ENTHD1: variants seen among roughly 807,000 people sequenced by gnomAD.
ENTHD1 encodes ENTH domain-containing protein 1.
A neutral mutation model predicts 39.1 loss-of-function variants in ENTHD1; 23 were observed. The ratio of observed to expected loss-of-function variants is 0.59; its 90% CI spans 0.42 to 0.83. The LOEUF is 0.83. Ranked by LOEUF, ENTHD1 falls within the 40% of genes least tolerant of loss-of-function variation. ENTHD1 has a pLI of 0.00. For missense variants in ENTHD1, 624 were observed against 705.4 expected (o/e 0.88, Z 1.31); for synonymous variants, 230 against 258.2 (o/e 0.89, Z 1.05).
rs370342913 is a variant in ENTHD1 at position 39,780,998 on chromosome 22, C to CAA, written c.833-15391_833-15390dup. ...TGGGCAACAGAGCGAGACTCCATCT[C>CAA]AAAAAAAAAAAAGCAAACAGTAGAT... On this transcript the variant is annotated intron_variant, in intron 5 of 6. Transcript: ENST00000325157. Among the ~76,000 whole-genome samples, 31 of 124,914 alleles carry CAA rather than the reference C, an allele frequency of 2.5e-4. No individual in the cohort carries two copies. The South Asian group carries it at 5.6e-3, about 23-fold the overall frequency. 81.9% of individuals were successfully genotyped at this position (124,914 alleles called of 152,430 possible).
intron 5 of ENTHD1, among the ~76,000 whole-genome samples, chr22:39,795,825 T>A (rs1288254450): frequency 1.3e-5 from 2 of 152,172 alleles, no homozygotes; most frequent in Non-Finnish European, 2.9e-5. Flanking sequence ...CAGGAATTTA[T>A]CCATTTCCTC....
At chr22:39,866,569 A>C (rs2066183185) in intron 2 of ENTHD1, among the ~76,000 whole-genome samples, 2 of 152,198 alleles carry the variant, frequency 1.3e-5, no homozygotes, top group African/African-American at 4.8e-5. Flanking sequence ...CTCTGCACAG[A>C]CATTAGGGCA....
chr22:39,861,509 C>T (rs2066139596), intron 3 of ENTHD1, among the ~76,000 whole-genome samples: 1 of 152,066 alleles, frequency 6.6e-6, no homozygotes, highest in Admixed American at 6.6e-5. Flanking sequence ...CACTACACTC[C>T]AGCCTAGGAG....
At chr22:39,754,497 C>T (rs1310230227) in intron 6 of ENTHD1, among the ~76,000 whole-genome samples, 2 of 152,184 alleles carry the variant, frequency 1.3e-5, no homozygotes, top group Non-Finnish European at 2.9e-5. Context: ...TGGCAGGTGA[C>T]CTCTGATGAG....
intron 5 of ENTHD1, among the ~76,000 whole-genome samples, chr22:39,818,703 G>A (rs1480437599): frequency 6.6e-6 from 1 of 152,196 alleles, no homozygotes; most frequent in East Asian, 1.9e-4. Flanking sequence ...TGAGACTACT[G>A]TAAAGGAAAG....
intron 6 of ENTHD1, among the ~76,000 whole-genome samples, chr22:39,744,943 C>T (rs2065091942): frequency 6.6e-6 from 1 of 152,036 alleles, no homozygotes; most frequent in Non-Finnish European, 1.5e-5. Context: ...GTTTTTACTT[C>T]CTTTCTGGCA....
chr22:39,786,931 T>C (rs2065463960), intron 5 of ENTHD1, among the ~76,000 whole-genome samples: 1 of 152,194 alleles, frequency 6.6e-6, no homozygotes, highest in East Asian at 1.9e-4. Flanking sequence ...CACGCATACC[T>C]CATTTTATTG....
chr22:39,809,893 T>C (rs1029287114), intron 5 of ENTHD1, among the ~76,000 whole-genome samples: 1 of 152,210 alleles, frequency 6.6e-6, no homozygotes, highest in African/African-American at 2.4e-5. Context: ...GTGGTATCCA[T>C]TTTCTGTTTT....
Position 39,762,622 on chromosome 22 carries a change from G to A in ENTHD1, c.1219+2601C>T, listed in dbSNP as rs113567223. Among the ~76,000 whole-genome samples the A allele has an allele frequency of 2.8e-4, 43 of 151,920 alleles. 1 individual carries two copies. The highest frequency in any genetic ancestry group is 9.6e-4 in the African/African-American group (40 of 41,470). On this transcript the variant is annotated intron_variant, in intron 6 of 6. Coordinates refer to ENST00000325157, the MANE Select transcript of ENTHD1 (RefSeq NM_152512.4). ...ACATGCTACCACATCTGGCTAATAT[G>A]TATATTTTTTGTAGAGATGGGGTCT...
chr22:39,870,831 C>T (rs970447181), intron 2 of ENTHD1, among the ~76,000 whole-genome samples: 1 of 152,052 alleles, frequency 6.6e-6, no homozygotes, highest in African/African-American at 2.4e-5. Flanking sequence ...ACAATGTATA[C>T]GTGGACAAGG....
chr22:39,851,178 G>C (rs561053092), intron 3 of ENTHD1, among the ~76,000 whole-genome samples: 1 of 152,292 alleles, frequency 6.6e-6, no homozygotes, highest in Admixed American at 6.5e-5. Flanking sequence ...TACTGTAGAA[G>C]ATGAGAAGCT....
chr22:39,836,249 T>C (rs1219618336), intron 3 of ENTHD1, among the ~76,000 whole-genome samples: 2 of 152,184 alleles, frequency 1.3e-5, no homozygotes, highest in African/African-American at 4.8e-5. Flanking sequence ...TTATGTGGTT[T>C]TGATTGACTG....
chr22:39,870,267 C>T (rs1264832255), intron 2 of ENTHD1, among the ~76,000 whole-genome samples: 1 of 151,900 alleles, frequency 6.6e-6, no homozygotes, highest in Non-Finnish European at 1.5e-5. Flanking sequence ...CCTTGACCTC[C>T]CAAAGTGATG....
intron 5 of ENTHD1, among the ~76,000 whole-genome samples, chr22:39,816,884 G>C (rs1327711228): frequency 6.6e-6 from 1 of 150,786 alleles, no homozygotes; most frequent in Admixed American, 6.6e-5. Context: ...AGCAGAGAAA[G>C]AATCAGATAT....
intron 4 of ENTHD1, among the ~76,000 whole-genome samples, chr22:39,830,233 G>A (rs193065487): frequency 2.6e-5 from 4 of 152,040 alleles, no homozygotes; most frequent in African/African-American, 4.8e-5. Context: ...ACACCACCAC[G>A]CCCGGTAATT....
chr22:39,879,188 C>T (rs1485183976), intron 2 of ENTHD1, among the ~76,000 whole-genome samples: 1 of 151,984 alleles, frequency 6.6e-6, no homozygotes, highest in East Asian at 1.9e-4. Context: ...ACAGGCCGGG[C>T]ACGGTGGCTC....
rs547244186 is a variant in ENTHD1, at chr22:39,868,137, C to T, written c.350-6130G>A. Among the ~76,000 whole-genome samples the T allele has an allele frequency of 8.6e-5, 13 of 151,888 alleles. No individual in the cohort carries two copies. The South Asian group carries it at 2.7e-3, about 32-fold the overall frequency. On this transcript the variant is annotated intron_variant, in intron 2 of 6. Transcript: ENST00000325157. ...TAGCCATCAACTGCTTCCCGGGATA[C>T]AACTTATTTGTGGCTGTGGATCTAA... is the stretch of plus-strand genomic sequence containing the variant.
intron 2 of ENTHD1, among the ~76,000 whole-genome samples, chr22:39,869,256 C>T (rs1462291739): frequency 6.6e-6 from 1 of 152,116 alleles, no homozygotes; most frequent in Non-Finnish European, 1.5e-5. Flanking sequence ...GAGTGTGGTA[C>T]ATATACCACG....
At position 39,792,833 on chromosome 22, in the gene ENTHD1, G is replaced by T. The variant is rs147281352; in HGVS notation, c.833-27224C>A. Among the ~76,000 whole-genome samples, 103 of 152,252 alleles carry T rather than the reference G, an allele frequency of 6.8e-4. 1 individual carries two copies. Among genetic ancestry groups the T allele is most frequent in the African/African-American group, 2.4e-3 (100 of 41,544 alleles). ...CCACGTTTTCTTTATCTAGTCATCT[G>T]TGATGGACAATTAGGTTGATTCCAA... On this transcript the variant is annotated intron_variant, in intron 5 of 6. Transcript: ENST00000325157.
Sources: allele counts gnomAD v4.1 joint callset (sites outside exome capture counted in the v4.1 genomes callset), GRCh38; gene constraint gnomAD v4.1.1; transcripts MANE v1.5; gene names NCBI Gene and HGNC (gene_info 2026-07-23, HGNC 2026-07-21).